PALM: variants seen among roughly 807,000 people sequenced by gnomAD.
PALM encodes the protein paralemmin-1.
A neutral mutation model predicts 30.7 loss-of-function variants in PALM; 18 were observed. The observed-to-expected ratio is 0.59, with a 90% confidence interval of 0.41 to 0.87. PALM has a LOEUF of 0.87. PALM is among the 40% of genes least tolerant of loss of function. The probability of loss-of-function intolerance (pLI) is 0.00; values close to 1 mark genes in which losing one functional copy is unlikely to be tolerated. For missense variants in PALM, 529 were observed against 555.4 expected (o/e 0.95, Z 0.48); for synonymous variants, 286 against 242.8 (o/e 1.18, Z -1.66).
chr19:728,786 G>A (rs1055880638), intron 4 of PALM, among the ~76,000 whole-genome samples: 5 of 151,968 alleles, frequency 3.3e-5, no homozygotes, highest in Non-Finnish European at 7.4e-5. Flanking sequence ...GGTGAATCAC[G>A]AGGTCAGGAG....
At chr19:726,220 G>A (rs1312571906) in intron 2 of PALM, 31 bp downstream of exon 2, 15 of 1,606,084 alleles carry the variant, frequency 9.3e-6, no homozygotes, top group African/African-American at 1.3e-5. Flanking sequence ...AGACGGTGTG[G>A]TCAGGGTGGG....
chr19:720,723 C>G (rs1410988827), intron 1 of PALM, among the ~76,000 whole-genome samples: 1 of 152,140 alleles, frequency 6.6e-6, no homozygotes, highest in African/African-American at 2.4e-5. Context: ...GCCTGACATT[C>G]CCCCGCCCTG....
chr19:740,444 C>A lies in PALM; in HGVS notation c.595C>A (p.Leu199Ile). The change falls in exon 8 of 9, where the codon CTC (leucine) becomes ATC (isoleucine). Residue 199 changes from leucine to isoleucine, a missense_variant. Transcript: ENST00000338448. ...SSTTLLPRQP[L>I]PLGIKVYEDE... Reference sequence around the variant, plus strand: ...CACCACGCTGCTCCCTCGGCAGCCGCTCCCTCTGGGCATCAAAGTCTACGA... The same window carrying A: ...CACCACGCTGCTCCCTCGGCAGCCGATCCCTCTGGGCATCAAAGTCTACGA... The A allele has an allele frequency of 6.4e-7, 1 of 1,552,640 alleles. No individual in the cohort carries two copies. Among genetic ancestry groups the A allele is most frequent in the East Asian group, 2.4e-5 (1 of 41,068 alleles).
chr19:713,411 G>GT (rs1230203715), intron 1 of PALM, among the ~76,000 whole-genome samples: 1 of 152,132 alleles, frequency 6.6e-6, no homozygotes, highest in Admixed American at 6.6e-5. Flanking sequence ...CATCTGGCGA[G>GT]TGGGGATGTG....
Position 711,435 on chromosome 19 carries a change from C to T in PALM, c.5+2284C>T, listed in dbSNP as rs563340645. 5.9e-5 allele frequency among the ~76,000 whole-genome samples: 9 copies of T among 152,268 alleles called. No homozygotes were observed. The East Asian group carries it at 1.7e-3, about 29-fold the overall frequency. On this transcript the variant is annotated intron_variant, in intron 1 of 8. Transcript: ENST00000338448. Reference sequence around the variant, plus strand: ...TTGGGCCTGGACAGATGGTCAAGACCGGCCCAGACTCCTCCCTGCTCGCAG... The same window carrying T: ...TTGGGCCTGGACAGATGGTCAAGACTGGCCCAGACTCCTCCCTGCTCGCAG...
chr19:735,166 G>T (rs1276571358), intron 6 of PALM: 1 of 173,924 alleles, frequency 5.7e-6, no homozygotes, highest in East Asian at 2.6e-4. Context: ...GTGTCCTGGT[G>T]TCTGGGTGGG....
chr19:727,708 C>T lies in PALM; in HGVS notation c.269+14C>T, dbSNP rs910646188. The T allele has an allele frequency of 6.5e-7, 1 of 1,539,166 alleles. No individual in the cohort carries two copies. Among genetic ancestry groups the T allele is most frequent in the Non-Finnish European group, 8.8e-7 (1 of 1,139,916 alleles). Reference sequence around the variant, plus strand: ...CTCGGTGTCCAGGTGGGGGCTGCAGCGTGGGTGCCACCGGGCTGGGTGGGG... The same window carrying T: ...CTCGGTGTCCAGGTGGGGGCTGCAGTGTGGGTGCCACCGGGCTGGGTGGGG... On this transcript the variant is annotated intron_variant, in intron 4 of 8. Coordinates refer to ENST00000338448, the MANE Select transcript of PALM (RefSeq NM_002579.3).
chr19:723,954 A>AGGGAG (rs908242221), intron 1 of PALM, among the ~76,000 whole-genome samples: 58 of 146,650 alleles, frequency 4.0e-4, no homozygotes, highest in African/African-American at 1.4e-3. Context: ...CCCACAGACC[A>AGGGAG]GGGAGGGGAG....
intron 1 of PALM, among the ~76,000 whole-genome samples, chr19:718,425 G>C (rs1036490755): frequency 6.6e-6 from 1 of 152,148 alleles, no homozygotes; most frequent in Non-Finnish European, 1.5e-5. Context: ...GTGCAGTCGC[G>C]TGGGGAGGGA....
chr19:730,837 T>G (rs2144891862), intron 4 of PALM, among the ~76,000 whole-genome samples: 1 of 152,116 alleles, frequency 6.6e-6, no homozygotes, highest in Non-Finnish European at 1.5e-5. Context: ...CTGTCTCTGC[T>G]AAAAATACAA....
At chr19:743,240 C>T (rs1030950396) in intron 8 of PALM, among the ~76,000 whole-genome samples, 1 of 152,166 alleles carries the variant, frequency 6.6e-6, no homozygotes, top group Non-Finnish European at 1.5e-5. Context: ...AGCTCTAGCT[C>T]TCCCCAGCTG....
At position 726,200 on chromosome 19, in the gene PALM, G is replaced by T; in HGVS notation, c.57+11G>T. 3 of 1,611,940 alleles carry T rather than the reference G, an allele frequency of 1.9e-6. No homozygotes were observed. Among genetic ancestry groups the T allele is most frequent in the Non-Finnish European group, 2.5e-6 (3 of 1,178,988 alleles). On this transcript the variant is annotated intron_variant, in intron 2 of 8. Transcript: ENST00000338448. ...CTGCAGGCCATCGCAGTGAGTTTCC[G>T]CCGCCCCGCAGACGGTGTGGTCAGG...
At position 729,529 on chromosome 19, in the gene PALM, G is replaced by A. The variant is rs188221225; in HGVS notation, c.270-1566G>A. Among the ~76,000 whole-genome samples, 412 of 140,682 alleles carry A rather than the reference G, an allele frequency of 2.9e-3. 3 individuals are homozygous for A. The highest frequency in any genetic ancestry group is 0.01 in the African/African-American group (388 of 37,994). The allele number at this position is 140,682 out of a possible 152,430, so 92.3% of individuals were successfully genotyped here. Reference sequence around the variant, plus strand: ...CGCCCAGGCTGGAGTGCGGTGGCGCGATCTCAGCTCACTGCAAGCTCCGCC... The same window carrying A: ...CGCCCAGGCTGGAGTGCGGTGGCGCAATCTCAGCTCACTGCAAGCTCCGCC... On this transcript the variant is annotated intron_variant, in intron 4 of 8. Transcript: ENST00000338448.
At chr19:724,940 G>A (rs899249751) in intron 1 of PALM, among the ~76,000 whole-genome samples, 3 of 151,696 alleles carry the variant, frequency 2.0e-5, no homozygotes, top group Non-Finnish European at 4.4e-5. Context: ...TTTGTTTTGC[G>A]ACAGGGTCTC....
chr19:727,071 C>A lies in PALM; in HGVS notation c.121C>A (p.Gln41Lys). 1 of 1,495,012 alleles carries A rather than the reference C, an allele frequency of 6.7e-7. No homozygotes were observed. Among genetic ancestry groups the A allele is most frequent in the Non-Finnish European group, 9.0e-7 (1 of 1,112,424 alleles). 92.6% of individuals were successfully genotyped at this position (1,495,012 alleles called of 1,614,324 possible). Reference protein sequence around the residue: ...KRRQLEDERRQLQHLKSKALR... With the variant: ...KRRQLEDERRKLQHLKSKALR... ...CCGGCAGCTGGAGGACGAGCGGAGG[C>A]AGCTGCAGCACCTGAAGGTACGAGC... Residue 41 changes from glutamine to lysine, a missense_variant, in exon 3 of 9, where the codon CAG becomes AAG. Gln to Lys is a moderately conservative substitution (Grantham distance 53, BLOSUM62 1). Transcript: ENST00000338448.
intron 1 of PALM, among the ~76,000 whole-genome samples, chr19:710,651 G>GCTCCCCCCCCCCCCCCCCCCC (rs2032045130): frequency 8.8e-6 from 1 of 114,168 alleles, no homozygotes; most frequent in African/African-American, 3.5e-5. Context: ...AGGAGCTGCT[G>GCTCCCCCCCCCCCCCCCCCCC]CCCCCCCCCC....
At chr19:731,501 GAC>G (rs2032874230) in intron 5 of PALM, among the ~76,000 whole-genome samples, 1 of 152,116 alleles carries the variant, frequency 6.6e-6, no homozygotes, top group Non-Finnish European at 1.5e-5. Context: ...GCATCAGAAG[GAC>G]TCAGGGAAGC....
intron 6 of PALM, 197 bp downstream of exon 6, chr19:734,391 G>A: frequency 3.4e-6 from 2 of 585,612 alleles, no homozygotes; most frequent in Non-Finnish European, 6.0e-6. Context: ...GAAACTCAGT[G>A]TCTACTGAAA....
chr19:731,072 TCACAGG>T lies in PALM; in HGVS notation c.270-18_270-13del. ...CCCACCGGGGATGCAGGAGTCACCC[TCACAGG>T]CACACCCTCTCCCCAGGTTGGAGAA... On this transcript the variant is annotated splice_polypyrimidine_tract_variant and intron_variant, in intron 4 of 8. Transcript: ENST00000338448. 1 of 1,527,762 alleles carries T rather than the reference TCACAGG, an allele frequency of 6.5e-7. No homozygotes were observed. The highest frequency in any genetic ancestry group is 1.2e-5 in the South Asian group (1 of 81,436). 94.6% of individuals were successfully genotyped at this position (1,527,762 alleles called of 1,614,324 possible).
Sources: allele counts gnomAD v4.1 joint callset (sites outside exome capture counted in the v4.1 genomes callset), GRCh38; gene constraint gnomAD v4.1.1; transcripts MANE v1.5; gene names NCBI Gene and HGNC (gene_info 2026-07-23, HGNC 2026-07-21).